The following FRMD3 variants were observed in gnomAD, a reference collection of about 807,000 sequenced individuals.
FRMD3 encodes FERM domain-containing protein 3.
FRMD3 carries 33 observed loss-of-function variants against 70.2 expected under a neutral mutation model. The observed-to-expected ratio is 0.47, with a 90% CI of 0.36 to 0.63. The LOEUF (loss-of-function observed/expected upper bound fraction) is 0.63. Among genes scored for constraint, FRMD3 ranks in the 20% least tolerant of loss-of-function variants. The pLI is 0.00. For synonymous variants in FRMD3, 279 were observed against 255.9 expected, an observed-to-expected ratio of 1.09 and a Z score of -0.86; for missense variants, 632 against 711.4, an observed-to-expected ratio of 0.89 and a Z score of 1.27.
intron 3 of FRMD3, among the ~76,000 whole-genome samples, chr9:83,363,152 G>A (rs570106398): frequency 3.3e-5 from 5 of 152,218 alleles, no homozygotes; most frequent in African/African-American, 9.6e-5. Context: ...ATAATAAAAT[G>A]CGAAAGCCTC....
At chr9:83,550,296 T>C in the FRMD3 span, among the ~76,000 whole-genome samples, 3 of 152,198 alleles carry the variant, frequency 2.0e-5, no homozygotes, top group East Asian at 5.8e-4. Flanking sequence ...TTCTGTTCCA[T>C]TGGTCTATGT....
upstream of FRMD3, among the ~76,000 whole-genome samples, chr9:83,543,069 A>G (rs1000627858): frequency 2.6e-5 from 4 of 152,066 alleles, no homozygotes; most frequent in Non-Finnish European, 4.4e-5. Context: ...CATCAAAAGC[A>G]TAAGTTGGAC....
At chr9:83,283,985 G>A (rs998951246) in intron 13 of FRMD3, among the ~76,000 whole-genome samples, 14 of 151,314 alleles carry the variant, frequency 9.3e-5, no homozygotes, top group African/African-American at 3.4e-4. Context: ...AACTGCAACT[G>A]CATTAAAATG....
At chr9:83,555,247 G>A in the FRMD3 span, among the ~76,000 whole-genome samples, 13 of 150,522 alleles carry the variant, frequency 8.6e-5, no homozygotes, top group African/African-American at 2.4e-4. Context: ...CAAAGATGGC[G>A]GCTCACCCCT....
At chr9:83,301,463 T>C (rs1421759401) in intron 10 of FRMD3, among the ~76,000 whole-genome samples, 1 of 151,986 alleles carries the variant, frequency 6.6e-6, no homozygotes, top group Admixed American at 6.5e-5. Flanking sequence ...CTATTTTTTA[T>C]TGTGTATGTG....
At chr9:83,373,893 C>T (rs1402769528) in intron 2 of FRMD3, among the ~76,000 whole-genome samples, 1 of 152,202 alleles carries the variant, frequency 6.6e-6, no homozygotes, top group Non-Finnish European at 1.5e-5. Flanking sequence ...GCACCTCACT[C>T]TATCTCCTTT....
intron 10 of FRMD3, among the ~76,000 whole-genome samples, chr9:83,307,729 A>C (rs1364185643): frequency 2.0e-5 from 3 of 152,252 alleles, no homozygotes; most frequent in Non-Finnish European, 4.4e-5. Context: ...TTAGATAGTG[A>C]TAATGGCTAT....
At chr9:83,492,596 A>G in intron 1 of FRMD3, among the ~76,000 whole-genome samples, 1 of 152,182 alleles carries the variant, frequency 6.6e-6, no homozygotes, top group East Asian at 1.9e-4. Flanking sequence ...GCTACTGTTC[A>G]TCCACCTAAC....
chr9:83,472,994 T>A (rs1324096292), intron 1 of FRMD3, among the ~76,000 whole-genome samples: 1 of 152,184 alleles, frequency 6.6e-6, no homozygotes, highest in Non-Finnish European at 1.5e-5. Context: ...TCACCAGGAT[T>A]GTGGCGAAAC....
intron 1 of FRMD3, among the ~76,000 whole-genome samples, chr9:83,479,716 GAA>G (rs1828508415): frequency 1.6e-5 from 1 of 63,404 alleles, no homozygotes; most frequent in Non-Finnish European, 2.9e-5. Flanking sequence ...AAGAAAGAAA[GAA>G]AGAAAAGAAA....
intron 1 of FRMD3, among the ~76,000 whole-genome samples, chr9:83,428,490 A>G (rs1370594874): frequency 6.6e-6 from 1 of 150,642 alleles, no homozygotes; most frequent in African/African-American, 2.4e-5. Context: ...ATACATATAT[A>G]CATATCCACA....
At chr9:83,480,485 G>A (rs1828541076) in intron 1 of FRMD3, among the ~76,000 whole-genome samples, 1 of 142,606 alleles carries the variant, frequency 7.0e-6, no homozygotes, top group Non-Finnish European at 1.5e-5. Context: ...GGTTTTATAA[G>A]TAAACTAGAG....
intron 1 of FRMD3, among the ~76,000 whole-genome samples, chr9:83,442,022 A>G (rs1295191462): frequency 6.6e-6 from 1 of 152,188 alleles, no homozygotes; most frequent in East Asian, 1.9e-4. Flanking sequence ...TGCGCACTAA[A>G]GCCCGACACA....
intron 2 of FRMD3, among the ~76,000 whole-genome samples, chr9:83,383,191 C>G (rs2131283327): frequency 6.6e-6 from 1 of 152,340 alleles, no homozygotes; most frequent in Middle Eastern, 3.4e-3. Context: ...GGACTAGCTG[C>G]TAGCTAAACA....
At chr9:83,514,171 G>T (rs375756502) in intron 1 of FRMD3, among the ~76,000 whole-genome samples, 4 of 152,156 alleles carry the variant, frequency 2.6e-5, no homozygotes, top group African/African-American at 4.8e-5. Context: ...CTTGCTCAGC[G>T]GATCCCACCC....
At chr9:83,496,484 A>G (rs1036377715) in intron 1 of FRMD3, among the ~76,000 whole-genome samples, 1 of 152,208 alleles carries the variant, frequency 6.6e-6, no homozygotes, top group African/African-American at 2.4e-5. Flanking sequence ...AAAAATCACC[A>G]AGGAGCATTT....
Position 83,247,368 on chromosome 9 carries a change from T to G in FRMD3, c.*550A>C, listed in dbSNP as rs1587607748. The G allele has an allele frequency of 1.0e-4, 98 of 968,690 alleles. No individual in the cohort carries two copies. Among genetic ancestry groups the G allele is most frequent in the Non-Finnish European group, 1.2e-4 (96 of 824,396 alleles). The allele number at this position is 968,690 out of a possible 1,614,324, so 60.0% of individuals were successfully genotyped here. ...TAGTCTTACAATCTGTACATGTAAATAACTCCAGGAGGCTTCTTTTTTTTT... is the reference window on the plus strand; with the variant it reads ...TAGTCTTACAATCTGTACATGTAAAGAACTCCAGGAGGCTTCTTTTTTTTT... On this transcript the variant is annotated 3_prime_UTR_variant, in exon 14 of 14. Transcript: ENST00000304195.
intron 4 of FRMD3, among the ~76,000 whole-genome samples, chr9:83,347,331 A>T (rs546488272): frequency 6.6e-6 from 1 of 152,326 alleles, no homozygotes; most frequent in South Asian, 2.1e-4. Flanking sequence ...AAAATAATGC[A>T]TCTCCCTTTA....
chr9:83,301,033 A>G (rs1046889157), intron 10 of FRMD3, among the ~76,000 whole-genome samples: 1 of 152,206 alleles, frequency 6.6e-6, no homozygotes, highest in Non-Finnish European at 1.5e-5. Flanking sequence ...GGAGAGTAAG[A>G]TGGGCAAGGG....
Sources: gnomAD v4.1 joint callset for allele counts (sites outside exome capture counted in the v4.1 genomes callset) on GRCh38, gnomAD v4.1.1 for gene constraint, MANE v1.5 for transcripts, NCBI Gene and HGNC (gene_info 2026-07-23, HGNC 2026-07-21) for gene names.